The following TMEM67 variants were observed in gnomAD, a reference collection of about 807,000 sequenced individuals.
TMEM67 encodes transmembrane protein 67.
TMEM67 carries 124 observed loss-of-function variants against 136.6 expected under a neutral mutation model. That is an observed-to-expected ratio of 0.91 (90% CI 0.78 to 1.05). The LOEUF is 1.05. TMEM67 is among the 50% of genes least tolerant of loss of function. The pLI is 0.00. For missense variants in TMEM67, 1,107 were observed against 1,178.4 expected (o/e 0.94, Z 0.89); for synonymous variants, 364 against 390.5 (o/e 0.93, Z 0.80).
At chr8:93,819,737 A>G (rs905990296), downstream of TMEM67, among the ~76,000 whole-genome samples, 10 of 152,206 alleles carry the variant, frequency 6.6e-5, no homozygotes, top group Admixed American at 1.3e-4. Flanking sequence ...AAAGCAGCAC[A>G]TGGCAGTTTG....
intron 14 of TMEM67, among the ~76,000 whole-genome samples, 199 bp downstream of exon 14, chr8:93,788,148 T>G (rs1224346010): frequency 6.6e-6 from 1 of 151,966 alleles, no homozygotes; most frequent in South Asian, 2.1e-4. Context: ...TATAAAAAAG[T>G]AAGAATGGAT....
chr8:93,780,303 T>A (rs1586040485), intron 7 of TMEM67, among the ~76,000 whole-genome samples: 1 of 151,914 alleles, frequency 6.6e-6, no homozygotes, highest in African/African-American at 2.4e-5. Context: ...GAAAGGGAAA[T>A]CCCCCAACCC....
Position 93,768,281 on chromosome 8 carries a change from C to A in TMEM67, c.651+2635C>A, listed in dbSNP as rs529034835. Among the ~76,000 whole-genome samples the A allele has an allele frequency of 8.7e-5, 5 of 57,800 alleles. No homozygotes were observed. In the South Asian group the frequency reaches 2.1e-3, roughly 24 times the overall value. 37.9% of individuals were successfully genotyped at this position (57,800 alleles called of 152,430 possible). ...TAGGAAATATACACATACATACATA[C>A]ACACACACATCTATGACTATTTCTG... On this transcript the variant is annotated intron_variant, in intron 6 of 27. Transcript: ENST00000453321.
Position 93,755,006 on chromosome 8 carries a change from C to G in TMEM67, c.92C>G (p.Pro31Arg). The G allele has an allele frequency of 6.2e-7, 1 of 1,614,238 alleles. No individual in the cohort carries two copies. Among genetic ancestry groups the G allele is most frequent in the Non-Finnish European group, 8.5e-7 (1 of 1,180,038 alleles). The change falls in exon 1 of 28, where the codon CCT (proline) becomes CGT (arginine). Residue 31 changes from proline (P) to arginine (R), a missense_variant. Around this residue, in one of 3 missense-constraint regions of TMEM67, gnomAD observed 178 missense variants for 159.2 expected, o/e 1.12. Coordinates refer to ENST00000453321, the MANE Select transcript of TMEM67 (RefSeq NM_153704.6). ...ACCGCGTTCCTTCTGTTGTTCCTCC[C>G]TCGCTTCTTACAGGCCCAGACCTTC... ...AVTAFLLLFL[P>R]RFLQAQTFSF...
intron 23 of TMEM67, among the ~76,000 whole-genome samples, chr8:93,807,651 A>G (rs1815213892): frequency 6.6e-6 from 1 of 151,718 alleles, no homozygotes; most frequent in South Asian, 2.1e-4. Context: ...TATTTTGTAA[A>G]TTTTCTGCAA....
intron 22 of TMEM67, among the ~76,000 whole-genome samples, chr8:93,804,481 A>ATTTT (rs59657661): frequency 2.5e-4 from 22 of 87,134 alleles, no homozygotes; most frequent in African/African-American, 3.1e-4. Context: ...ACACTCAGCT[A>ATTTT]TTTTTTTTTT....
chr8:93,790,711 T>G (rs1554554907), intron 14 of TMEM67, among the ~76,000 whole-genome samples: 1 of 152,192 alleles, frequency 6.6e-6, no homozygotes, highest in Non-Finnish European at 1.5e-5. Flanking sequence ...ACCTTGACAT[T>G]TATACAACAT....
chr8:93,759,707 A>G (rs932711122), intron 3 of TMEM67, among the ~76,000 whole-genome samples: 2 of 150,736 alleles, frequency 1.3e-5, no homozygotes, highest in African/African-American at 4.9e-5. Context: ...CTAGAGTGCA[A>G]TGGTGTGATC....
At chr8:93,784,273 C>G (rs1813994370) in intron 11 of TMEM67, among the ~76,000 whole-genome samples, 1 of 152,182 alleles carries the variant, frequency 6.6e-6, no homozygotes. Context: ...TATGTAATGC[C>G]TATCTGTGTG....
intron 18 of TMEM67, 60 bp from the exon 19 acceptor site, chr8:93,797,074 T>C (rs1814651762): frequency 2.0e-6 from 2 of 994,460 alleles, no homozygotes; most frequent in Admixed American, 1.7e-5. Context: ...TCAATATTGG[T>C]TTTATAAGCA....
In TMEM67 at chr8:93,781,626, T is replaced by C. The variant is rs749707210; in HGVS notation, c.979-32T>C. On this transcript the variant is annotated intron_variant, in intron 9 of 27. Transcript: ENST00000453321. The stretch of plus-strand genomic sequence containing the variant: ...GGATATTGTATTACTTTCAGAGTAT[T>C]TGACCTGATTTTGCTCGTTTTCTTT... The C allele has an allele frequency of 2.7e-6, 3 of 1,092,044 alleles. No homozygotes were observed. In the South Asian group the frequency reaches 4.0e-5, roughly 15 times the overall value. The allele number at this position is 1,092,044 out of a possible 1,614,324, so 67.6% of individuals were successfully genotyped here. A position where few individuals can be genotyped will look rare whatever the true frequency, so the allele number is the denominator to read the frequency against.
the TMEM67 span, among the ~76,000 whole-genome samples, chr8:93,831,686 ATG>A: frequency 4.0e-5 from 6 of 151,038 alleles, no homozygotes; most frequent in South Asian, 4.2e-4. Context: ...GTGTGTGTGC[ATG>A]TGTGTGTGTG....
chr8:93,789,965 C>A (rs1586057826), intron 14 of TMEM67, among the ~76,000 whole-genome samples: 1 of 151,762 alleles, frequency 6.6e-6, no homozygotes, highest in African/African-American at 2.4e-5. Context: ...GTAATCCCAG[C>A]TACTTGGGAG....
intron 13 of TMEM67, among the ~76,000 whole-genome samples, chr8:93,787,424 G>A (rs1814162419): frequency 6.6e-6 from 1 of 152,072 alleles, no homozygotes; most frequent in Non-Finnish European, 1.5e-5. Context: ...ATATTATTTT[G>A]TTAAGAATTC....
chr8:93,814,135 CTTTT>C (rs55774610), intron 26 of TMEM67, among the ~76,000 whole-genome samples: 2 of 60,780 alleles, frequency 3.3e-5, no homozygotes. Flanking sequence ...TATATGTATA[CTTTT>C]TTTTTTTTTT....
At chr8:93,829,931 T>C in the TMEM67 span, among the ~76,000 whole-genome samples, 10 of 152,128 alleles carry the variant, frequency 6.6e-5, no homozygotes, top group Non-Finnish European at 1.3e-4. Context: ...CCCCTACTTT[T>C]CCGTCTTGGA....
At chr8:93,771,182 T>C (rs1398213614) in intron 6 of TMEM67, among the ~76,000 whole-genome samples, 4 of 151,920 alleles carry the variant, frequency 2.6e-5, no homozygotes, top group Non-Finnish European at 5.9e-5. Context: ...CTAATAACAA[T>C]TCTATTATTC....
chr8:93,756,849 G>C (rs1035926575), intron 2 of TMEM67: 2 of 152,170 alleles, frequency 1.3e-5, no homozygotes, highest in African/African-American at 4.8e-5. Context: ...GCTGAGCCTG[G>C]TGGATCATGA....
intron 2 of TMEM67, among the ~76,000 whole-genome samples, chr8:93,757,730 A>G (rs193201958): frequency 4.0e-5 from 6 of 151,646 alleles, no homozygotes; most frequent in African/African-American, 9.7e-5. Flanking sequence ...TAATTTATAT[A>G]TTTCATAAAA....
Sources: gnomAD v4.1 joint callset for allele counts (sites outside exome capture counted in the v4.1 genomes callset) on GRCh38, gnomAD v4.1.1 for gene constraint, gnomAD v4.1.1 regional missense constraint, MANE v1.5 for transcripts, NCBI Gene and HGNC (gene_info 2026-07-23, HGNC 2026-07-21) for gene names.